The following CLEC9A variants were observed in gnomAD, a reference collection of about 807,000 sequenced individuals.
CLEC9A encodes the protein C-type lectin domain family 9 member A.
In CLEC9A, 24 loss-of-function variants were observed where a neutral mutation model predicts 30.0. That is an observed-to-expected ratio of 0.80 (90% CI 0.58 to 1.13). The LOEUF is 1.13. Among genes scored for constraint, CLEC9A ranks in the 50% most tolerant of loss-of-function variants. The pLI is 0.00. For synonymous variants in CLEC9A, 111 were observed against 96.8 expected, an observed-to-expected ratio of 1.15 and a Z score of -0.86; for missense variants, 251 against 280.9, an observed-to-expected ratio of 0.89 and a Z score of 0.76.
intron 5 of CLEC9A, 132 bp from the exon 6 acceptor site, chr12:10,060,995 C>CA (rs945612723): frequency 8.8e-7 from 1 of 1,133,812 alleles, no homozygotes; most frequent in African/African-American, 1.6e-5. Flanking sequence ...AAATTTTAAG[C>CA]AAAAACCTAA....
chr12:10,034,217 T>C (rs961631480), intron 1 of CLEC9A, among the ~76,000 whole-genome samples: 12 of 152,218 alleles, frequency 7.9e-5, no homozygotes, highest in African/African-American at 2.9e-4. Context: ...ATAAGTTTAA[T>C]GCCTACCACA....
At chr12:10,064,562 G>A (rs1866025989) in intron 7 of CLEC9A, among the ~76,000 whole-genome samples, 170 bp from the exon 8 acceptor site, 1 of 151,964 alleles carries the variant, frequency 6.6e-6, no homozygotes, top group Non-Finnish European at 1.5e-5. Context: ...TACAGCAATC[G>A]AAAATAGTCT....
intron 2 of CLEC9A, among the ~76,000 whole-genome samples, chr12:10,051,630 A>G (rs547858568): frequency 6.6e-6 from 1 of 152,290 alleles, no homozygotes; most frequent in South Asian, 2.1e-4. Flanking sequence ...ATCCAGTGAG[A>G]TACTGAAACA....
chr12:10,052,721 T>C lies in CLEC9A; in HGVS notation c.34T>C (p.Trp12Arg), dbSNP rs780798075. ...GGAAGAAATATACACCTCTCTTCAGTGGGATAGCCCAGCACCAGACACTTA... is the reference window on the plus strand; with the variant it reads ...GGAAGAAATATACACCTCTCTTCAGCGGGATAGCCCAGCACCAGACACTTA... ...HEEEIYTSLQ[W>R]DSPAPDTYQK... is the part of the protein sequence containing the mutation. Residue 12 changes from tryptophan (W) to arginine (R), a missense_variant, in exon 4 of 9, where the codon TGG becomes CGG. Trp to Arg is a moderately radical substitution (Grantham distance 101, BLOSUM62 -3). Coordinates refer to ENST00000355819, the MANE Select transcript of CLEC9A (RefSeq NM_207345.4). The C allele has an allele frequency of 6.2e-7, 1 of 1,613,982 alleles. No individual in the cohort carries two copies. Among genetic ancestry groups the C allele is most frequent in the Non-Finnish European group, 8.5e-7 (1 of 1,179,920 alleles).
intron 5 of CLEC9A, among the ~76,000 whole-genome samples, chr12:10,058,675 G>C (rs1301534968): frequency 6.6e-6 from 1 of 152,156 alleles, no homozygotes; most frequent in Non-Finnish European, 1.5e-5. Context: ...TTCCTGAGTA[G>C]CTGGGATTAC....
chr12:10,031,774 G>GA (rs1238711702), intron 1 of CLEC9A, among the ~76,000 whole-genome samples: 1 of 152,090 alleles, frequency 6.6e-6, no homozygotes. Context: ...ATAATAACAG[G>GA]ATGTGATAAA....
At chr12:10,048,255 T>A (rs1242288230) in intron 2 of CLEC9A, among the ~76,000 whole-genome samples, 1 of 128,696 alleles carries the variant, frequency 7.8e-6, no homozygotes, top group African/African-American at 2.9e-5. Context: ...AAAAAAAAAA[T>A]TAGCTGGGCG....
At position 10,065,663 on chromosome 12, in the gene CLEC9A, CTGTTA is replaced by C; in HGVS notation, c.*33_*37del. Reference sequence around the variant, plus strand: ...ATTGTGTTCAAAGTGTTCTATTACACTGTTATTTGGAGCATGCCATTGGAAAACCC... The same window carrying C: ...ATTGTGTTCAAAGTGTTCTATTACACTTTGGAGCATGCCATTGGAAAACCC... On this transcript the variant is annotated 3_prime_UTR_variant, in exon 9 of 9. Transcript: ENST00000355819. The C allele has an allele frequency of 3.7e-6, 6 of 1,611,516 alleles. No individual in the cohort carries two copies. Among genetic ancestry groups the C allele is most frequent in the Non-Finnish European group, 5.1e-6 (6 of 1,178,474 alleles).
chr12:10,050,984 C>G (rs1434810741), intron 2 of CLEC9A, among the ~76,000 whole-genome samples: 1 of 152,114 alleles, frequency 6.6e-6, no homozygotes, highest in Non-Finnish European at 1.5e-5. Context: ...GAAGGCGGAT[C>G]ACCTGAGGTC....
chr12:10,047,658 A>G (rs1865857949), intron 2 of CLEC9A, among the ~76,000 whole-genome samples: 1 of 152,230 alleles, frequency 6.6e-6, no homozygotes, highest in South Asian at 2.1e-4. Context: ...GCAATAAAGT[A>G]AGTCACACTA....
chr12:10,058,523 GA>G (rs1865963060), intron 5 of CLEC9A, among the ~76,000 whole-genome samples: 1 of 152,158 alleles, frequency 6.6e-6, no homozygotes, highest in Non-Finnish European at 1.5e-5. Flanking sequence ...AAACAGATCA[GA>G]ATATGTAGAT....
At chr12:10,031,274 G>T (rs1159549910) in intron 1 of CLEC9A, among the ~76,000 whole-genome samples, 1 of 152,226 alleles carries the variant, frequency 6.6e-6, no homozygotes, top group Admixed American at 6.5e-5. Flanking sequence ...TCAATGGCCT[G>T]ATACTGCAGG....
At chr12:10,034,727 C>G (rs1402198013) in intron 1 of CLEC9A, among the ~76,000 whole-genome samples, 3 of 152,192 alleles carry the variant, frequency 2.0e-5, no homozygotes, top group African/African-American at 7.2e-5. Context: ...CCCCGCTACT[C>G]AGACCTCTAG....
chr12:10,037,123 T>C (rs1865750882), intron 1 of CLEC9A, among the ~76,000 whole-genome samples: 2 of 152,068 alleles, frequency 1.3e-5, no homozygotes, highest in African/African-American at 2.4e-5. Flanking sequence ...AAAAGATGAA[T>C]GAAAACAAGA....
At chr12:10,043,624 G>GTA (rs1267652424) in intron 2 of CLEC9A, among the ~76,000 whole-genome samples, 236 of 151,000 alleles carry the variant, frequency 1.6e-3, no homozygotes, top group Non-Finnish European at 2.4e-3. Context: ...GTGTGTGTGT[G>GTA]TGTGTGTGTG....
chr12:10,053,502 C>T (rs951966025), intron 4 of CLEC9A, among the ~76,000 whole-genome samples: 19 of 152,118 alleles, frequency 1.2e-4, no homozygotes, highest in Non-Finnish European at 2.8e-4. Flanking sequence ...ATGCTCTGTC[C>T]CTCCAATATC....
chr12:10,065,532 A>C lies in CLEC9A; in HGVS notation c.626A>C (p.Gln209Pro). The C allele has an allele frequency of 1.2e-6, 2 of 1,613,958 alleles. No homozygotes were observed. Among genetic ancestry groups the C allele is most frequent in the Non-Finnish European group, 1.7e-6 (2 of 1,179,890 alleles). ...LPAERSQSAN[Q>P]VCGYVKSNSL... The stretch of plus-strand genomic sequence containing the variant: ...GCAGAGAGATCCCAGTCAGCTAACC[A>C]AGTCTGTGGATACGTGAAAAGCAAT... The change falls in exon 9 of 9, where the codon CAA becomes CCA. Residue 209 changes from glutamine (Q) to proline (P), a missense_variant. Coordinates refer to ENST00000355819, the MANE Select transcript of CLEC9A (RefSeq NM_207345.4).
chr12:10,064,815 C>A lies in CLEC9A; in HGVS notation c.555C>A (p.Arg185=). Residue 185 remains arginine (R), a synonymous_variant, in exon 8 of 9, where the codon CGC becomes CGA. Transcript: ENST00000355819. ...VGLSQDGHSG[R]WLWQDGSSPS... ...TGTCTCAGGATGGACACAGCGGACGCTGGCTTTGGCAAGATGGCTCCTCTC... is the reference window on the plus strand; with the variant it reads ...TGTCTCAGGATGGACACAGCGGACGATGGCTTTGGCAAGATGGCTCCTCTC... The A allele has an allele frequency of 6.2e-7, 1 of 1,613,402 alleles. No homozygotes were observed.
At chr12:10,062,361 A>G (rs1361077050) in intron 6 of CLEC9A, among the ~76,000 whole-genome samples, 3 of 152,160 alleles carry the variant, frequency 2.0e-5, no homozygotes, top group Admixed American at 2.0e-4. Flanking sequence ...CACTTGGTCA[A>G]ATTCTTGGTC....
Sources: gnomAD v4.1 joint callset for allele counts (sites outside exome capture counted in the v4.1 genomes callset) on GRCh38, gnomAD v4.1.1 for gene constraint, MANE v1.5 for transcripts, NCBI Gene and HGNC (gene_info 2026-07-23, HGNC 2026-07-21) for gene names.